The following NCAM2 variants were observed in gnomAD, a reference collection of about 807,000 sequenced individuals.
NCAM2 encodes the protein N-CAM-2.
A neutral mutation model predicts 98.1 loss-of-function variants in NCAM2; 30 were observed. The ratio of observed to expected loss-of-function variants is 0.31; its 90% confidence interval spans 0.23 to 0.41. NCAM2 has a LOEUF of 0.41. NCAM2 is among the 10% of genes least tolerant of loss of function. NCAM2 has a pLI of 1.00. For synonymous variants in NCAM2, 368 were observed against 342.4 expected (o/e 1.07, Z -0.83); for missense variants, 867 against 1,005.8 (o/e 0.86, Z 1.87).
At chr21:21,250,759 C>A (rs1263499627) in intron 1 of NCAM2, among the ~76,000 whole-genome samples, 1 of 152,180 alleles carries the variant, frequency 6.6e-6, no homozygotes, top group East Asian at 1.9e-4. Flanking sequence ...CAACTGCAAA[C>A]TTTCACTTCA....
chr21:21,341,147 G>A (rs2075021360), intron 8 of NCAM2, among the ~76,000 whole-genome samples: 2 of 152,070 alleles, frequency 1.3e-5, no homozygotes, highest in South Asian at 4.1e-4. Context: ...CACGCTTGAA[G>A]CATAGTTTAT....
chr21:21,188,623 T>C (rs2068717126), intron 1 of NCAM2, among the ~76,000 whole-genome samples: 1 of 152,102 alleles, frequency 6.6e-6, no homozygotes, highest in Admixed American at 6.6e-5. Flanking sequence ...GCTTGATAAA[T>C]AATTTCATAG....
chr21:21,525,445 G>A (rs962835488), intron 16 of NCAM2, among the ~76,000 whole-genome samples: 11 of 152,008 alleles, frequency 7.2e-5, no homozygotes, highest in African/African-American at 2.4e-4. Flanking sequence ...CTCAAAAGGC[G>A]CAATCAGCTA....
chr21:21,384,470 T>G (rs1333393839), intron 9 of NCAM2, among the ~76,000 whole-genome samples: 1 of 151,824 alleles, frequency 6.6e-6, no homozygotes, highest in Non-Finnish European at 1.5e-5. Flanking sequence ...TCCTGAAAAT[T>G]TATTATTTTT....
chr21:21,109,012 T>C (rs957926088), intron 1 of NCAM2, among the ~76,000 whole-genome samples: 2 of 152,160 alleles, frequency 1.3e-5, no homozygotes, highest in African/African-American at 4.8e-5. Flanking sequence ...ATATTTTTCC[T>C]TCTGATGTCT....
intron 5 of NCAM2, among the ~76,000 whole-genome samples, chr21:21,309,571 A>T (rs1369100679): frequency 6.6e-6 from 1 of 152,128 alleles, no homozygotes; most frequent in Non-Finnish European, 1.5e-5. Context: ...CCCTGGCCTC[A>T]GTTACTTTCC....
At chr21:21,408,119 T>C (rs1359856095) in intron 9 of NCAM2, among the ~76,000 whole-genome samples, 1 of 152,166 alleles carries the variant, frequency 6.6e-6, no homozygotes, top group Non-Finnish European at 1.5e-5. Context: ...AACGATCAAA[T>C]AGATGCTTCC....
At chr21:21,410,865 G>A (rs1222402950) in intron 10 of NCAM2, among the ~76,000 whole-genome samples, 1 of 149,524 alleles carries the variant, frequency 6.7e-6, no homozygotes, top group African/African-American at 2.5e-5. Flanking sequence ...AAATTAGCTG[G>A]GTGTGGTGGT....
intron 1 of NCAM2, among the ~76,000 whole-genome samples, chr21:21,234,971 A>C (rs775747171): frequency 6.6e-6 from 1 of 152,068 alleles, no homozygotes; most frequent in East Asian, 1.9e-4. Flanking sequence ...TTATAATGGC[A>C]TAATGTCTGC....
intron 15 of NCAM2, among the ~76,000 whole-genome samples, chr21:21,505,916 A>T (rs577474303): frequency 2.5e-3 from 375 of 151,974 alleles, no homozygotes; most frequent in Non-Finnish European, 4.3e-3. Flanking sequence ...TACTGTCTCC[A>T]TTTTAATAAA....
chr21:21,204,906 T>C (rs970467720), intron 1 of NCAM2, among the ~76,000 whole-genome samples: 1 of 151,856 alleles, frequency 6.6e-6, no homozygotes, highest in Non-Finnish European at 1.5e-5. Flanking sequence ...TAAGTAGATA[T>C]TTCCACTTTC....
chr21:21,048,899 C>A (rs1464676090), intron 1 of NCAM2, among the ~76,000 whole-genome samples: 1 of 151,976 alleles, frequency 6.6e-6, no homozygotes, highest in Admixed American at 6.6e-5. Context: ...ATTCTCCTGA[C>A]CTTAGATTTC....
chr21:21,431,856 T>C (rs1028247961), intron 11 of NCAM2, among the ~76,000 whole-genome samples: 5 of 152,192 alleles, frequency 3.3e-5, no homozygotes, highest in African/African-American at 1.2e-4. Flanking sequence ...AGAAGTAACA[T>C]ATTCCCTCAA....
At position 21,468,771 on chromosome 21, in the gene NCAM2, G is replaced by A. The variant is rs764861165; in HGVS notation, c.1884G>A (p.Val628=). 5 of 1,610,644 alleles carry A rather than the reference G, an allele frequency of 3.1e-6. No homozygotes were observed. The highest frequency in any genetic ancestry group is 4.2e-6 in the Non-Finnish European group (5 of 1,177,800). Residue 628 remains valine, a synonymous_variant, in exon 14 of 18, where the codon GTG becomes GTA. Transcript: ENST00000400546. ...DGGAPILEYI[V]KYRSKDKEDQ... is the part of the protein sequence containing the mutation. ...GGGCCCCTATTTTGGAATACATTGT[G>A]AAATATAGAAGTGTAAGTACCTTGT...
chr21:21,180,062 A>T (rs1205421754), intron 1 of NCAM2, among the ~76,000 whole-genome samples: 1 of 152,102 alleles, frequency 6.6e-6, no homozygotes, highest in Non-Finnish European at 1.5e-5. Context: ...GGAGCTTTTG[A>T]GCAGGACTTC....
intron 1 of NCAM2, among the ~76,000 whole-genome samples, chr21:21,170,733 G>T (rs908638546): frequency 6.6e-6 from 1 of 152,172 alleles, no homozygotes; most frequent in Non-Finnish European, 1.5e-5. Context: ...TATATTCTGA[G>T]TGAACCTTAA....
At chr21:21,081,173 G>A (rs993008491) in intron 1 of NCAM2, among the ~76,000 whole-genome samples, 1 of 152,102 alleles carries the variant, frequency 6.6e-6, no homozygotes. Context: ...GCTCACTTAG[G>A]CGTTCTTCCC....
At chr21:21,187,180 C>T (rs1472530764) in intron 1 of NCAM2, among the ~76,000 whole-genome samples, 2 of 151,772 alleles carry the variant, frequency 1.3e-5, no homozygotes, top group Non-Finnish European at 1.5e-5. Context: ...GCCAAGATAG[C>T]GTCACTGCAC....
intron 8 of NCAM2, among the ~76,000 whole-genome samples, chr21:21,365,248 TG>T (rs2075757807): frequency 6.8e-6 from 1 of 148,070 alleles, no homozygotes; most frequent in Admixed American, 6.8e-5. Flanking sequence ...CGTGTGTGTG[TG>T]TGTGTGTGTG....
Sources: gnomAD v4.1 joint callset for allele counts (sites outside exome capture counted in the v4.1 genomes callset) on GRCh38, gnomAD v4.1.1 for gene constraint, MANE v1.5 for transcripts, NCBI Gene and HGNC (gene_info 2026-07-23, HGNC 2026-07-21) for gene names.